Variants in SLC43A3 observed in about 807,000 individuals in gnomAD.
The protein encoded by SLC43A3 is solute carrier family 43 member 3.
In SLC43A3, 33 loss-of-function variants were observed where a neutral mutation model predicts 53.3. That is an observed-to-expected ratio of 0.62 (90% confidence interval 0.47 to 0.83). SLC43A3 has a LOEUF of 0.83. SLC43A3 is among the 40% of genes least tolerant of loss of function. The pLI is 0.00. For synonymous variants in SLC43A3, 236 were observed against 246.2 expected (o/e 0.96, Z 0.39); for missense variants, 530 against 610.0 (o/e 0.87, Z 1.38).
chr11:57,425,704 G>C (rs1246271254), intron 3 of SLC43A3, 34 bp from the exon 4 acceptor site: 1 of 1,612,138 alleles, frequency 6.2e-7, no homozygotes, highest in South Asian at 1.1e-5. Context: ...ATGCATCCCA[G>C]CCTTCCTGCC....
At chr11:57,422,157 T>C (rs1239271794) in intron 5 of SLC43A3, among the ~76,000 whole-genome samples, 1 of 152,262 alleles carries the variant, frequency 6.6e-6, no homozygotes, top group Non-Finnish European at 1.5e-5. Context: ...ATGTTTTAAG[T>C]TGACTCACTT....
At chr11:57,413,662 T>C (rs1044516973) in intron 11 of SLC43A3, among the ~76,000 whole-genome samples, 1 of 152,190 alleles carries the variant, frequency 6.6e-6, no homozygotes, top group Non-Finnish European at 1.5e-5. Flanking sequence ...AGCATACCTC[T>C]ACTCCTCCAA....
At chr11:57,414,387 A>T (rs1210872495) in intron 11 of SLC43A3, among the ~76,000 whole-genome samples, 1 of 151,926 alleles carries the variant, frequency 6.6e-6, no homozygotes, top group Non-Finnish European at 1.5e-5. Flanking sequence ...CACGCCTGTA[A>T]TCCCAGCTAC....
At chr11:57,421,819 C>T (rs907111105) in intron 5 of SLC43A3, among the ~76,000 whole-genome samples, 4 of 152,234 alleles carry the variant, frequency 2.6e-5, no homozygotes, top group South Asian at 2.1e-4. Flanking sequence ...ATGGGAACAA[C>T]AGTTCCTGCT....
intron 7 of SLC43A3, among the ~76,000 whole-genome samples, chr11:57,418,169 A>G (rs1942809797): frequency 2.0e-5 from 3 of 152,076 alleles, no homozygotes; most frequent in African/African-American, 7.2e-5. Flanking sequence ...CCCCTTCTCT[A>G]GAAAATTTTT....
intron 8 of SLC43A3, among the ~76,000 whole-genome samples, chr11:57,417,211 C>A (rs1942760544): frequency 6.6e-6 from 1 of 152,228 alleles, no homozygotes; most frequent in Non-Finnish European, 1.5e-5. Context: ...GAGACTGCAG[C>A]TCTATTTCCC....
chr11:57,423,567 T>C (rs1943081087), intron 5 of SLC43A3: 1 of 158,998 alleles, frequency 6.3e-6, no homozygotes, highest in Admixed American at 6.2e-5. Flanking sequence ...TGGCTGGGAT[T>C]ACAGGCGCGC....
At chr11:57,424,549 T>C (rs1048885220) in intron 4 of SLC43A3, among the ~76,000 whole-genome samples, 1 of 152,040 alleles carries the variant, frequency 6.6e-6, no homozygotes, top group African/African-American at 2.4e-5. Context: ...TGCTATGATT[T>C]CAGGACTACA....
At position 57,407,576 on chromosome 11, in the gene SLC43A3, A is replaced by G; in HGVS notation, c.*216T>C. 1 of 517,066 alleles carries G rather than the reference A, an allele frequency of 1.9e-6. No homozygotes were observed. Among genetic ancestry groups the G allele is most frequent in the East Asian group, 3.2e-5 (1 of 31,222 alleles). The allele number at this position is 517,066 out of a possible 1,614,324, so 32.0% of individuals were successfully genotyped here. ...CTGTTTTGAAATAAAGAAGTTCCAC[A>G]TGCCTTTGCTTTGAGTCTGTGTGAT... is the stretch of plus-strand genomic sequence containing the variant. On this transcript the variant is annotated 3_prime_UTR_variant, in exon 14 of 14. Transcript: ENST00000395124.
At chr11:57,418,325 C>A (rs1416548765) in intron 7 of SLC43A3, among the ~76,000 whole-genome samples, 3 of 151,410 alleles carry the variant, frequency 2.0e-5, no homozygotes, top group Non-Finnish European at 4.4e-5. Flanking sequence ...TGAAACATGA[C>A]CTTGCCTCCA....
At chr11:57,412,502 TA>T (rs765241360) in intron 11 of SLC43A3, among the ~76,000 whole-genome samples, 13 of 152,198 alleles carry the variant, frequency 8.5e-5, no homozygotes, top group Non-Finnish European at 1.5e-4. Flanking sequence ...TTCTAGTGAT[TA>T]AAAGTAGAAG....
At position 57,410,044 on chromosome 11, in the gene SLC43A3, C is replaced by T. The variant is rs137870474; in HGVS notation, c.1138G>A (p.Ala380Thr). ...AGGATGGGGACTGAGGCACAGAGGG[C>T]GAAGCCCAGGCACAGCAGGGATGTC... The part of the protein sequence containing the change: ...ALTSLLCLGF[A>T]LCASVPILPL... The change falls in exon 12 of 14, where the codon GCC (alanine) becomes ACC (threonine). Residue 380 changes from alanine to threonine, a missense_variant. This residue lies in a region of SLC43A3 where 124 missense variants were observed against 166.4 expected (regional missense o/e 0.75). Coordinates refer to ENST00000395124, the MANE Select transcript of SLC43A3 (RefSeq NM_199329.3). 8.8e-5 allele frequency: 142 copies of T among 1,612,674 alleles called. 3 individuals are homozygous for T. The South Asian group carries it at 1.2e-3, about 13-fold the overall frequency.
intron 3 of SLC43A3, 63 bp downstream of exon 3, chr11:57,425,926 T>G: frequency 6.5e-7 from 1 of 1,535,696 alleles, no homozygotes; most frequent in Non-Finnish European, 8.9e-7. Context: ...GAGTCCTTCC[T>G]GCTCCTTGCC....
In SLC43A3 at chr11:57,426,076, G is replaced by A; in HGVS notation, c.97C>T (p.Leu33=). The part of the protein sequence containing the change: ...FAGVLFGWPS[L]VFVFKNEDYF... ...TCTTCATTCTTGAAGACAAACACTA[G>A]TGAAGGCCAGCCAAAGAGGACGCCA... The change falls in exon 3 of 14, where the codon CTA becomes TTA. Residue 33 remains leucine (L), a synonymous_variant. Transcript: ENST00000395124. 5 of 1,614,252 alleles carry A rather than the reference G, an allele frequency of 3.1e-6. No individual in the cohort carries two copies. Among genetic ancestry groups the A allele is most frequent in the Non-Finnish European group, 4.2e-6 (5 of 1,180,038 alleles).
At chr11:57,414,807 C>T (rs1287086834) in intron 10 of SLC43A3, 76 bp from the exon 11 acceptor site, 1 of 1,518,352 alleles carries the variant, frequency 6.6e-7, no homozygotes, top group East Asian at 2.3e-5. Context: ...TCCCACCTTA[C>T]CCTTGTCTGC....
At chr11:57,419,922 A>T (rs1403747782) in intron 7 of SLC43A3, among the ~76,000 whole-genome samples, 4 of 152,150 alleles carry the variant, frequency 2.6e-5, no homozygotes, top group Non-Finnish European at 5.9e-5. Flanking sequence ...TGAGTGCCTC[A>T]GGGGCTCAGT....
At chr11:57,417,029 T>C (rs1165822425) in intron 8 of SLC43A3, among the ~76,000 whole-genome samples, 2 of 152,184 alleles carry the variant, frequency 1.3e-5, no homozygotes, top group Admixed American at 6.5e-5. Context: ...ATTTAGAAAA[T>C]GGAGATAAGG....
intron 13 of SLC43A3, chr11:57,408,202 C>A (rs1459190920): frequency 7.1e-6 from 2 of 282,136 alleles, no homozygotes; most frequent in South Asian, 4.9e-5. Context: ...GAGGCACCAG[C>A]TAGAATACAC....
rs1942331679 is a variant in SLC43A3, at chr11:57,409,042, A to G, written c.1371+133T>C. On this transcript the variant is annotated intron_variant, in intron 13 of 13. Transcript: ENST00000395124. ...CACACACACAAATACTTTTGCCCCA[A>G]ATACTTGAATAACACAGACCCTTTG... The G allele has an allele frequency of 4.5e-6, 4 of 879,538 alleles. No individual in the cohort carries two copies. The Admixed American group carries it at 6.6e-5, about 15-fold the overall frequency. The allele number at this position is 879,538 out of a possible 1,614,324, so 54.5% of individuals were successfully genotyped here.
Sources: allele counts gnomAD v4.1 joint callset (sites outside exome capture counted in the v4.1 genomes callset), GRCh38; gene constraint gnomAD v4.1.1; regional missense constraint gnomAD v4.1.1; transcripts MANE v1.5; gene names NCBI Gene and HGNC (gene_info 2026-07-23, HGNC 2026-07-21).